Variants in ZNF469 observed in about 807,000 individuals in gnomAD.
ZNF469 encodes the protein zinc finger protein 469.
In ZNF469, 1 loss-of-function variant was observed where a neutral mutation model predicts 1.0. The observed-to-expected ratio is 1.00, with a 90% CI of 0.35 to 4.73. The LOEUF (loss-of-function observed/expected upper bound fraction) is 4.73, where lower values mean the gene tolerates loss of function less well. ZNF469 is among the 30% of genes most tolerant of loss of function. ZNF469 has a pLI of 0.16. For synonymous variants in ZNF469, 2,703 were observed against 2,363.4 expected (o/e 1.14, Z -4.17); for missense variants, 6,100 against 5,356.3 (o/e 1.14, Z -4.33).
In ZNF469 at chr16:88,428,565, G is replaced by T. The variant is rs534477237; in HGVS notation, c.1095G>T (p.Pro365=). 1 of 1,550,146 alleles carries T rather than the reference G, an allele frequency of 6.5e-7. No homozygotes were observed. The highest frequency in any genetic ancestry group is 8.7e-7 in the Non-Finnish European group (1 of 1,146,854). The stretch of plus-strand genomic sequence containing the variant: ...CCCCTGGAGCTGCTCACTCGGCCCC[G>T]AGACCCTTCTCTGACAGTTTACACA... ...LSSPGAAHSA[P]RPFSDSLHKS... Residue 365 remains proline (P), a synonymous_variant, in exon 3 of 3, where the codon CCG becomes CCT. Coordinates refer to ENST00000565624, the MANE Select transcript of ZNF469 (RefSeq NM_001367624.2).
the ZNF469 span, among the ~76,000 whole-genome samples, chr16:88,216,004 T>C: frequency 6.6e-6 from 1 of 152,218 alleles, no homozygotes; most frequent in Admixed American, 6.5e-5. Context: ...TTCTGCAATT[T>C]CATGTTTTCC....
chr16:88,176,369 G>C, the ZNF469 span, among the ~76,000 whole-genome samples: 1 of 149,864 alleles, frequency 6.7e-6, no homozygotes, highest in Non-Finnish European at 1.5e-5. Flanking sequence ...CAGAGAACAT[G>C]ATGGATTGGA....
At chr16:88,173,267 G>A in the ZNF469 span, among the ~76,000 whole-genome samples, 1 of 152,136 alleles carries the variant, frequency 6.6e-6, no homozygotes, top group East Asian at 1.9e-4. Flanking sequence ...ATGAGAGACA[G>A]CAGATCTCTT....
the ZNF469 span, among the ~76,000 whole-genome samples, chr16:88,280,442 C>A: frequency 2.6e-5 from 4 of 151,642 alleles, no homozygotes; most frequent in Admixed American, 6.6e-5. Context: ...TGTGCCACAC[C>A]AATGCTTGGT....
the ZNF469 span, among the ~76,000 whole-genome samples, chr16:88,368,329 C>T: frequency 6.6e-6 from 1 of 152,248 alleles, no homozygotes; most frequent in Non-Finnish European, 1.5e-5. Context: ...GGCCTGGACG[C>T]CATCCCTGAG....
At chr16:88,142,156 G>C in the ZNF469 span, among the ~76,000 whole-genome samples, 1 of 152,244 alleles carries the variant, frequency 6.6e-6, no homozygotes. Context: ...TGAAACTGCA[G>C]GGCCACGTTC....
intron 1 of ZNF469, among the ~76,000 whole-genome samples, chr16:88,420,242 G>A (rs1273649132): frequency 6.6e-6 from 1 of 152,254 alleles, no homozygotes; most frequent in Admixed American, 6.5e-5. Context: ...CCTGCTGTTT[G>A]GGAAGGCACG....
At chr16:88,387,702 G>A (rs1029747078) in intron 1 of ZNF469, among the ~76,000 whole-genome samples, 7 of 152,170 alleles carry the variant, frequency 4.6e-5, no homozygotes, top group African/African-American at 1.2e-4. Context: ...AGGAGAGCCC[G>A]CAGGCCAGGC....
chr16:88,366,073 GCCACCATCATCA>G, the ZNF469 span, among the ~76,000 whole-genome samples: 1 of 150,008 alleles, frequency 6.7e-6, no homozygotes, highest in Non-Finnish European at 1.5e-5. Context: ...TAAATGTGAG[GCCACCATCATCA>G]CCATCATCAT....
At position 88,431,560 on chromosome 16, in the gene ZNF469, T is replaced by C; in HGVS notation, c.4090T>C (p.Leu1364=). The change falls in exon 3 of 3, where the codon TTG becomes CTG. Residue 1364 remains leucine (L), a synonymous_variant. Coordinates refer to ENST00000565624, the MANE Select transcript of ZNF469 (RefSeq NM_001367624.2). ...CDPAGFNRDP[L]GVPVAKKGPQ... Reference sequence around the variant, plus strand: ...CCCTGCTGGTTTTAACAGAGACCCCTTGGGGGTTCCAGTTGCCAAAAAGGG... The same window carrying C: ...CCCTGCTGGTTTTAACAGAGACCCCCTGGGGGTTCCAGTTGCCAAAAAGGG... 6.4e-7 allele frequency: 1 copy of C among 1,550,468 alleles called. No individual in the cohort carries two copies. The highest frequency in any genetic ancestry group is 8.7e-7 in the Non-Finnish European group (1 of 1,146,996).
At chr16:88,273,737 G>A in the ZNF469 span, among the ~76,000 whole-genome samples, 1 of 152,024 alleles carries the variant, frequency 6.6e-6, no homozygotes, top group Non-Finnish European at 1.5e-5. Context: ...CTAAAAGGTG[G>A]AAGAAATTCA....
chr16:88,121,406 G>A, the ZNF469 span, among the ~76,000 whole-genome samples: 1 of 152,188 alleles, frequency 6.6e-6, no homozygotes, highest in Admixed American at 6.5e-5. Context: ...GCTGTGTCAT[G>A]AGCCGAACAT....
the ZNF469 span, among the ~76,000 whole-genome samples, chr16:88,263,676 A>G: frequency 6.2e-3 from 942 of 152,242 alleles, 12 homozygotes; most frequent in African/African-American, 0.021. Context: ...CGGGGGGTCC[A>G]GAGTCGCCAG....
chr16:88,415,300 C>T (rs766504581), intron 1 of ZNF469, among the ~76,000 whole-genome samples: 25 of 152,126 alleles, frequency 1.6e-4, no homozygotes, highest in Non-Finnish European at 3.5e-4. Context: ...CACAGCCTGC[C>T]GCCCAGGGCC....
the ZNF469 span, among the ~76,000 whole-genome samples, chr16:88,277,144 G>A: frequency 1.3e-5 from 2 of 151,702 alleles, no homozygotes; most frequent in East Asian, 3.9e-4. Flanking sequence ...GTACCGTGTA[G>A]ATATCAGTGC....
At chr16:88,113,776 G>A in the ZNF469 span, among the ~76,000 whole-genome samples, 2 of 152,200 alleles carry the variant, frequency 1.3e-5, no homozygotes, top group African/African-American at 4.8e-5. Flanking sequence ...TCACCGACAC[G>A]GCTGGTTTGA....
At chr16:88,311,253 G>T in the ZNF469 span, among the ~76,000 whole-genome samples, 1 of 152,274 alleles carries the variant, frequency 6.6e-6, no homozygotes. Flanking sequence ...GCATCGCAGG[G>T]GACATTGACC....
chr16:88,184,700 G>A, the ZNF469 span, among the ~76,000 whole-genome samples: 12 of 151,868 alleles, frequency 7.9e-5, no homozygotes, highest in African/African-American at 2.9e-4. Flanking sequence ...CTTCACGGCT[G>A]CACGGCCGGC....
chr16:88,247,650 G>C, the ZNF469 span, among the ~76,000 whole-genome samples: 1,199 of 149,794 alleles, frequency 8.0e-3, 16 homozygotes, highest in African/African-American at 0.029. Flanking sequence ...GAGTGGATGA[G>C]TGAGTGAGTG....
Sources: allele counts gnomAD v4.1 joint callset (sites outside exome capture counted in the v4.1 genomes callset), GRCh38; gene constraint gnomAD v4.1.1; transcripts MANE v1.5; gene names NCBI Gene and HGNC (gene_info 2026-07-23, HGNC 2026-07-21).